Variants in RGS22 observed in about 807,000 individuals in gnomAD.
RGS22 encodes the protein regulator of G protein signaling 22.
Under a neutral mutation model 172.9 loss-of-function variants are expected in RGS22, and 148 were observed. The ratio of observed to expected loss-of-function variants is 0.86; its 90% CI spans 0.75 to 0.98. RGS22 has a LOEUF of 0.98. Ranked by LOEUF, RGS22 falls within the 50% of genes least tolerant of loss-of-function variation. The pLI is 0.00. For missense variants in RGS22, 1,347 were observed against 1,440.8 expected (o/e 0.93, Z 1.05); for synonymous variants, 458 against 480.2 (o/e 0.95, Z 0.60).
chr8:100,093,642 C>A (rs937067604), intron 2 of RGS22, 133 bp from the exon 3 acceptor site: 7 of 613,058 alleles, frequency 1.1e-5, no homozygotes, highest in African/African-American at 1.1e-4. Flanking sequence ...CAACAGTGAA[C>A]CCTCACTATA....
In RGS22 at chr8:100,066,225, C is replaced by A; in HGVS notation, c.666G>T (p.Ser222=). 6.2e-7 allele frequency: 1 copy of A among 1,613,166 alleles called. No homozygotes were observed. The highest frequency in any genetic ancestry group is 8.5e-7 in the Non-Finnish European group (1 of 1,179,340). The change falls in exon 7 of 28, where the codon TCG becomes TCT. Residue 222 remains serine (S), a synonymous_variant. Coordinates refer to ENST00000360863, the MANE Select transcript of RGS22 (RefSeq NM_015668.5). The part of the protein sequence containing the change: ...KQSQQTVSTF[S]LPCCVPYNKL... ...TGTTGTAGGGTACACAACAGGGTAA[C>A]GAAAAGGTTGATACTGTTTGCTGAC...
intron 3 of RGS22, among the ~76,000 whole-genome samples, chr8:100,091,192 A>G (rs1812551480): frequency 6.6e-6 from 1 of 152,146 alleles, no homozygotes; most frequent in African/African-American, 2.4e-5. Flanking sequence ...ATTCTTTTTG[A>G]AAACCCGCGA....
chr8:100,027,305 C>T (rs567489227), intron 14 of RGS22, among the ~76,000 whole-genome samples: 2 of 152,152 alleles, frequency 1.3e-5, no homozygotes, highest in African/African-American at 4.8e-5. Context: ...TTATCTCCTT[C>T]CCCCACTAGA....
chr8:99,990,813 C>T (rs1051960666), intron 20 of RGS22, among the ~76,000 whole-genome samples: 1 of 152,174 alleles, frequency 6.6e-6, no homozygotes, highest in African/African-American at 2.4e-5. Flanking sequence ...TCAAGTGGGT[C>T]CCTGACCCCC....
chr8:100,053,355 G>A (rs1197551569), intron 9 of RGS22, among the ~76,000 whole-genome samples: 1 of 151,314 alleles, frequency 6.6e-6, no homozygotes, highest in African/African-American at 2.4e-5. Context: ...CCAGAAGGCG[G>A]AGGTTGCAGT....
chr8:100,101,443 ATTTTTTT>A (rs57644659), intron 2 of RGS22, among the ~76,000 whole-genome samples: 1 of 116,778 alleles, frequency 8.6e-6, no homozygotes, highest in Non-Finnish European at 1.7e-5. Context: ...TGCCCAGCTA[ATTTTTTT>A]TTTTTTTTTT....
intron 27 of RGS22, among the ~76,000 whole-genome samples, chr8:99,961,924 G>A (rs1028738376): frequency 9.2e-5 from 14 of 152,238 alleles, no homozygotes; most frequent in Admixed American, 7.8e-4. Flanking sequence ...GGTTCTTCAA[G>A]TATTAGGTCA....
At chr8:100,017,663 TA>T (rs1480805681) in intron 14 of RGS22, among the ~76,000 whole-genome samples, 1 of 152,158 alleles carries the variant, frequency 6.6e-6, no homozygotes, top group Non-Finnish European at 1.5e-5. Context: ...TTTAAAAAGC[TA>T]AACAACACAC....
chr8:100,094,743 T>C (rs1348561709), intron 2 of RGS22, among the ~76,000 whole-genome samples: 1 of 152,218 alleles, frequency 6.6e-6, no homozygotes, highest in Non-Finnish European at 1.5e-5. Context: ...ATAAGGCATT[T>C]AGTAACCTAT....
intron 20 of RGS22, among the ~76,000 whole-genome samples, chr8:99,995,309 T>G (rs371008482): frequency 6.6e-6 from 1 of 152,084 alleles, no homozygotes; most frequent in Non-Finnish European, 1.5e-5. Flanking sequence ...CAAAAGAAAC[T>G]ACCATCAGAG....
chr8:100,042,647 C>T (rs1184600450), intron 11 of RGS22: 1 of 152,218 alleles, frequency 6.6e-6, no homozygotes, highest in Non-Finnish European at 1.5e-5. Flanking sequence ...TATTTTCTTG[C>T]TCCATAAAAC....
chr8:100,058,350 A>C (rs1453011529), intron 9 of RGS22, among the ~76,000 whole-genome samples: 1 of 152,152 alleles, frequency 6.6e-6, no homozygotes. Flanking sequence ...CAAATATAAG[A>C]AGGTTATAGA....
At chr8:100,086,325 A>G (rs182421964) in intron 3 of RGS22, among the ~76,000 whole-genome samples, 1 of 152,328 alleles carries the variant, frequency 6.6e-6, no homozygotes, top group East Asian at 1.9e-4. Context: ...AGGACCTACT[A>G]TCATATGCTG....
At chr8:100,041,664 C>G in intron 12 of RGS22, 138 bp downstream of exon 12, 1 of 544,360 alleles carries the variant, frequency 1.8e-6, no homozygotes, top group African/African-American at 1.9e-5. Flanking sequence ...TGTAAAAATC[C>G]TTTGGCAAGG....
At chr8:100,043,672 C>G (rs1047332550) in intron 11 of RGS22, among the ~76,000 whole-genome samples, 1 of 151,604 alleles carries the variant, frequency 6.6e-6, no homozygotes, top group African/African-American at 2.4e-5. Flanking sequence ...GCTGCTTGGG[C>G]GGCTGAGGCA....
chr8:100,020,770 AAAG>A (rs1029284249), intron 14 of RGS22, among the ~76,000 whole-genome samples: 1 of 152,222 alleles, frequency 6.6e-6, no homozygotes, highest in Non-Finnish European at 1.5e-5. Context: ...CTCAGGAAAA[AAAG>A]AAGTTATATT....
chr8:99,981,925 C>T lies in RGS22; in HGVS notation c.3360+12G>A. On this transcript the variant is annotated intron_variant, in intron 22 of 27. Transcript: ENST00000360863. The stretch of plus-strand genomic sequence containing the variant: ...TTTAAAATATGCTTAGCCACATGCC[C>T]TGATCTCTTACCTGTGCCTCTCTAA... The T allele has an allele frequency of 6.2e-7, 1 of 1,600,542 alleles. No homozygotes were observed.
Position 99,962,440 on chromosome 8 carries a change from C to T in RGS22, c.3794G>A (p.Ter1265=). 6.2e-7 allele frequency: 1 copy of T among 1,613,626 alleles called. No individual in the cohort carries two copies. Reference sequence around the variant, plus strand: ...ATGTAAACATTCACAAGAATGCTGTCACTCTGGAAAAGACATGAAGTTTTA... The same window carrying T: ...ATGTAAACATTCACAAGAATGCTGTTACTCTGGAAAAGACATGAAGTTTTA... The part of the protein sequence containing the change: ...KNMSAHSSQK[*] The change falls in exon 27 of 28, where the codon TGA becomes TAA. Residue 1265 remains the stop codon, a stop_retained_variant. Coordinates refer to ENST00000360863, the MANE Select transcript of RGS22 (RefSeq NM_015668.5).
intron 4 of RGS22, among the ~76,000 whole-genome samples, chr8:100,074,002 T>C (rs1811169184): frequency 6.6e-6 from 1 of 152,098 alleles, no homozygotes; most frequent in Non-Finnish European, 1.5e-5. Flanking sequence ...TAAAATAACT[T>C]AATAAATACT....
Sources: allele counts gnomAD v4.1 joint callset (sites outside exome capture counted in the v4.1 genomes callset), GRCh38; gene constraint gnomAD v4.1.1; transcripts MANE v1.5; gene names NCBI Gene and HGNC (gene_info 2026-07-23, HGNC 2026-07-21).